Variants in FHIT observed in about 807,000 individuals in gnomAD.
FHIT encodes the protein bis(5'-adenosyl)-triphosphatase.
A neutral mutation model predicts 17.9 loss-of-function variants in FHIT; 19 were observed. That is an observed-to-expected ratio of 1.06 (90% CI 0.74 to 1.56). FHIT has a LOEUF of 1.56. Ranked by LOEUF, FHIT falls within the 40% of genes most tolerant of loss-of-function variation. The pLI, the probability that FHIT is intolerant of heterozygous loss-of-function variation, is 0.00. For synonymous variants in FHIT, 81 were observed against 69.7 expected, an observed-to-expected ratio of 1.16 and a Z score of -0.81; for missense variants, 248 against 189.2, an observed-to-expected ratio of 1.31 and a Z score of -1.82.
intron 5 of FHIT, among the ~76,000 whole-genome samples, chr3:60,240,618 A>G (rs970105085): frequency 6.6e-6 from 1 of 152,182 alleles, no homozygotes; most frequent in Non-Finnish European, 1.5e-5. Context: ...TACAATTCAA[A>G]TGCTATAGAA....
chr3:60,070,842 G>T (rs1473595946), intron 5 of FHIT, among the ~76,000 whole-genome samples: 1 of 152,196 alleles, frequency 6.6e-6, no homozygotes, highest in Admixed American at 6.5e-5. Flanking sequence ...AAAATAGTTG[G>T]ATGGCATTTG....
rs546566056 is a variant in FHIT, at chr3:59,908,758, C to A, written c.348+13588G>T. Reference sequence around the variant, plus strand: ...ACTGACAGAAACGGCACTGAACTTGCTGAGCAAAACCTGGCCCAGGGCTGA... The same window carrying A: ...ACTGACAGAAACGGCACTGAACTTGATGAGCAAAACCTGGCCCAGGGCTGA... On this transcript the variant is annotated intron_variant, in intron 8 of 9. Transcript: ENST00000492590. Among the ~76,000 whole-genome samples, 31 of 151,582 alleles carry A rather than the reference C, an allele frequency of 2.0e-4. No individual in the cohort carries two copies. In the South Asian group the frequency reaches 6.1e-3, roughly 30 times the overall value.
At chr3:60,168,800 C>T (rs1243970183) in intron 5 of FHIT, among the ~76,000 whole-genome samples, 2 of 152,274 alleles carry the variant, frequency 1.3e-5, no homozygotes, top group Middle Eastern at 3.4e-3. Flanking sequence ...ATTTTTGTAA[C>T]GATTGATACT....
chr3:61,133,416 G>A (rs1445681261), intron 2 of FHIT, among the ~76,000 whole-genome samples: 1 of 152,168 alleles, frequency 6.6e-6, no homozygotes, highest in Admixed American at 6.5e-5. Flanking sequence ...GCAATGCCAG[G>A]TAGCTGGTGA....
At chr3:60,912,789 G>T in intron 3 of FHIT, 1 of 513,482 alleles carries the variant, frequency 1.9e-6, no homozygotes, top group Middle Eastern at 3.2e-4. Context: ...CCTTTCCTTT[G>T]TCTTACCATT....
chr3:59,960,111 TGA>T (rs1707598090), intron 7 of FHIT, among the ~76,000 whole-genome samples: 1 of 152,002 alleles, frequency 6.6e-6, no homozygotes, highest in South Asian at 2.1e-4. Context: ...CTGAAAAATT[TGA>T]GAGAGAGGAA....
intron 3 of FHIT, among the ~76,000 whole-genome samples, chr3:60,927,188 A>G (rs1349218904): frequency 6.6e-6 from 1 of 151,952 alleles, no homozygotes; most frequent in Non-Finnish European, 1.5e-5. Flanking sequence ...TTTGGTGGAG[A>G]CGGGGTTTCG....
intron 4 of FHIT, among the ~76,000 whole-genome samples, chr3:60,808,329 T>G (rs1701467254): frequency 2.0e-5 from 3 of 152,180 alleles, no homozygotes; most frequent in African/African-American, 4.8e-5. Flanking sequence ...CTTTTGAAGG[T>G]TCATTATGCA....
At position 60,265,426 on chromosome 3, in the gene FHIT, T is replaced by C. The variant is rs533247291; in HGVS notation, c.104-251274A>G. Among the ~76,000 whole-genome samples the C allele has an allele frequency of 7.9e-5, 12 of 152,032 alleles. No individual in the cohort carries two copies. The South Asian group carries it at 1.2e-3, about 16-fold the overall frequency. On this transcript the variant is annotated intron_variant, in intron 5 of 9. Transcript: ENST00000492590. ...AGAATATATAAAAATTAACTCGAAA[T>C]AGATCAAAGACCTAAGAGTTTAAAG...
At chr3:60,435,595 G>A (rs1033772410) in intron 5 of FHIT, among the ~76,000 whole-genome samples, 10 of 151,824 alleles carry the variant, frequency 6.6e-5, no homozygotes, top group Non-Finnish European at 1.3e-4. Context: ...TTCTTTTCAG[G>A]GTGAAGATAA....
intron 4 of FHIT, among the ~76,000 whole-genome samples, chr3:60,745,880 A>C (rs1238039080): frequency 3.9e-5 from 6 of 152,164 alleles, no homozygotes; most frequent in Non-Finnish European, 8.8e-5. Flanking sequence ...GCAGCAAGGT[A>C]CCACCACGTA....
At chr3:59,996,074 G>A (rs1365308858) in intron 7 of FHIT, among the ~76,000 whole-genome samples, 1 of 151,966 alleles carries the variant, frequency 6.6e-6, no homozygotes, top group African/African-American at 2.4e-5. Context: ...GCATGTAGTA[G>A]GTTCTCAAAA....
intron 4 of FHIT, among the ~76,000 whole-genome samples, chr3:60,607,856 G>C (rs2038658183): frequency 6.6e-6 from 1 of 152,028 alleles, no homozygotes; most frequent in African/African-American, 2.4e-5. Flanking sequence ...CCAGAAACTT[G>C]GCTTGCTGTG....
intron 4 of FHIT, among the ~76,000 whole-genome samples, chr3:60,817,067 C>T (rs1220130621): frequency 6.6e-6 from 1 of 151,736 alleles, no homozygotes; most frequent in Non-Finnish European, 1.5e-5. Flanking sequence ...AACATATATT[C>T]TTGATCTTTC....
intron 3 of FHIT, among the ~76,000 whole-genome samples, chr3:60,845,524 T>A (rs1240150402): frequency 6.6e-6 from 1 of 152,178 alleles, no homozygotes; most frequent in African/African-American, 2.4e-5. Context: ...AAAATAGTTT[T>A]CAAAATTCTT....
chr3:59,979,759 G>A (rs1418225182), intron 7 of FHIT, among the ~76,000 whole-genome samples: 1 of 152,102 alleles, frequency 6.6e-6, no homozygotes, highest in East Asian at 1.9e-4. Context: ...GCCCATAAAT[G>A]AGTAAGCCCG....
At position 60,139,820 on chromosome 3, in the gene FHIT, T is replaced by TAAA. The variant is rs10680391; in HGVS notation, c.104-125671_104-125669dup. Among the ~76,000 whole-genome samples, 120 of 147,842 alleles carry TAAA rather than the reference T, an allele frequency of 8.1e-4. 1 individual carries two copies. In the South Asian group the frequency reaches 0.011, roughly 14 times the overall value. The stretch of plus-strand genomic sequence containing the variant: ...CTTTACCTTAAGTACCTTTCATTAT[T>TAAA]AAAAAAAAAAAATGGTTAACTATGG... On this transcript the variant is annotated intron_variant, in intron 5 of 9. Transcript: ENST00000492590.
At position 60,192,499 on chromosome 3, in the gene FHIT, C is replaced by T. The variant is rs75331710; in HGVS notation, c.104-178347G>A. On this transcript the variant is annotated intron_variant, in intron 5 of 9. Coordinates refer to ENST00000492590, the MANE Select transcript of FHIT (RefSeq NM_002012.4). ...GTTTCCGTTCTGTGACTCTACCTCT[C>T]CTGTATGGGTGGACACGTAACCAGA... Among the ~76,000 whole-genome samples the T allele has an allele frequency of 1.8e-3, 281 of 152,230 alleles. 7 individuals carry two copies. In the East Asian group the frequency reaches 0.04, roughly 22 times the overall value.
intron 5 of FHIT, among the ~76,000 whole-genome samples, chr3:60,533,950 A>C (rs753624460): frequency 6.6e-6 from 1 of 152,150 alleles, no homozygotes; most frequent in Non-Finnish European, 1.5e-5. Flanking sequence ...AATCTAGATG[A>C]ACCACACCTA....
Sources: gnomAD v4.1 joint callset for allele counts (sites outside exome capture counted in the v4.1 genomes callset) on GRCh38, gnomAD v4.1.1 for gene constraint, MANE v1.5 for transcripts, NCBI Gene and HGNC (gene_info 2026-07-23, HGNC 2026-07-21) for gene names.